The following CADPS2 variants were observed in gnomAD, a reference collection of about 807,000 sequenced individuals.
CADPS2 encodes the protein calcium dependent secretion activator 2, also known as calcium-dependent secretion activator 2.
Under a neutral mutation model 172.5 loss-of-function variants are expected in CADPS2, and 93 were observed. That is an observed-to-expected ratio of 0.54 (90% confidence interval 0.46 to 0.64). The LOEUF (loss-of-function observed/expected upper bound fraction) is 0.64, where lower values mean the gene tolerates loss of function less well. Ranked by LOEUF, CADPS2 falls within the 30% of genes least tolerant of loss-of-function variation. CADPS2 has a pLI of 0.00. For missense variants in CADPS2, 1,420 were observed against 1,565.9 expected (o/e 0.91, Z 1.57); for synonymous variants, 546 against 555.2 (o/e 0.98, Z 0.23).
At chr7:122,709,032 T>C (rs1209751503) in intron 2 of CADPS2, among the ~76,000 whole-genome samples, 1 of 152,058 alleles carries the variant, frequency 6.6e-6, no homozygotes, top group Non-Finnish European at 1.5e-5. Context: ...CAGTGGTGAA[T>C]AGGCAATATA....
rs369655649 is a variant in CADPS2, at chr7:122,474,344, T to C, written c.1998+37A>G. 7 of 1,585,052 alleles carry C rather than the reference T, an allele frequency of 4.4e-6. No individual in the cohort carries two copies. In the African/African-American group the frequency reaches 8.1e-5, roughly 18 times the overall value. On this transcript the variant is annotated intron_variant, in intron 13 of 29. Transcript: ENST00000449022. ...CTTATAGGGGATCTAAAATCTTTTA[T>C]TCCAACTTATAGGGGACTAGATAGA...
At chr7:122,837,398 A>C (rs1024536824) in intron 1 of CADPS2, among the ~76,000 whole-genome samples, 1 of 152,210 alleles carries the variant, frequency 6.6e-6, no homozygotes, top group African/African-American at 2.4e-5. Context: ...CACATTCAAA[A>C]GCTAGCAGAA....
intron 1 of CADPS2, among the ~76,000 whole-genome samples, chr7:122,767,656 T>C (rs2093595640): frequency 1.3e-5 from 2 of 152,096 alleles, no homozygotes; most frequent in South Asian, 4.1e-4. Context: ...TACCCATAGA[T>C]GGTGTGTAAA....
chr7:122,468,258 G>A (rs1291232435), intron 14 of CADPS2, among the ~76,000 whole-genome samples: 1 of 152,172 alleles, frequency 6.6e-6, no homozygotes, highest in Non-Finnish European at 1.5e-5. Flanking sequence ...CTTGACAGAT[G>A]TAAAAATGAT....
intron 2 of CADPS2, among the ~76,000 whole-genome samples, chr7:122,682,992 T>C (rs966016893): frequency 2.0e-5 from 3 of 152,210 alleles, no homozygotes; most frequent in East Asian, 3.8e-4. Flanking sequence ...TCCTCTCTTG[T>C]GGGAGCAGGC....
At chr7:122,441,978 T>C (rs1586074104) in intron 15 of CADPS2, among the ~76,000 whole-genome samples, 2 of 152,182 alleles carry the variant, frequency 1.3e-5, no homozygotes, top group African/African-American at 4.8e-5. Context: ...TGGTTTAGGG[T>C]GGCCACATAT....
intron 1 of CADPS2, among the ~76,000 whole-genome samples, chr7:122,820,564 T>TTTG (rs1802914697): frequency 8.4e-6 from 1 of 118,916 alleles, no homozygotes; most frequent in African/African-American, 3.4e-5. Context: ...TTGTTTTTTT[T>TTTG]TTTTTTTTTT....
intron 6 of CADPS2, among the ~76,000 whole-genome samples, chr7:122,587,080 T>C (rs957019609): frequency 6.6e-6 from 1 of 151,984 alleles, no homozygotes; most frequent in African/African-American, 2.4e-5. Context: ...AAATAATTCT[T>C]ATGATTTTTC....
At chr7:122,736,212 G>C (rs2092136762) in intron 2 of CADPS2, among the ~76,000 whole-genome samples, 1 of 152,054 alleles carries the variant, frequency 6.6e-6, no homozygotes, top group Admixed American at 6.6e-5. Flanking sequence ...TCTTGCCTCA[G>C]GTAAGTTCAG....
chr7:122,594,320 T>A (rs1470556515), intron 6 of CADPS2, among the ~76,000 whole-genome samples: 1 of 151,802 alleles, frequency 6.6e-6, no homozygotes, highest in Non-Finnish European at 1.5e-5. Flanking sequence ...AGATGACATC[T>A]TGCACTTTAA....
intron 7 of CADPS2, among the ~76,000 whole-genome samples, chr7:122,578,260 T>C (rs534635160): frequency 9.9e-5 from 15 of 152,126 alleles, no homozygotes; most frequent in African/African-American, 3.6e-4. Context: ...AGCTCTACCA[T>C]CCAGAGACGA....
intron 28 of CADPS2, among the ~76,000 whole-genome samples, chr7:122,335,562 G>A (rs1444300877): frequency 6.6e-6 from 1 of 152,054 alleles, no homozygotes; most frequent in Non-Finnish European, 1.5e-5. Context: ...ACAAATATAG[G>A]GAATATATGG....
intron 1 of CADPS2, among the ~76,000 whole-genome samples, chr7:122,878,327 A>C (rs548087697): frequency 5.4e-4 from 82 of 151,072 alleles, no homozygotes; most frequent in Non-Finnish European, 7.4e-4. Context: ...CTGACACATT[A>C]GAGAGGGAAA....
At chr7:122,359,016 C>T (rs1475859443) in intron 27 of CADPS2, among the ~76,000 whole-genome samples, 1 of 152,012 alleles carries the variant, frequency 6.6e-6, no homozygotes, top group Non-Finnish European at 1.5e-5. Context: ...TATTGTGAAC[C>T]ATTTGAGGGC....
chr7:122,753,776 C>T (rs192260998), intron 1 of CADPS2, among the ~76,000 whole-genome samples: 74 of 152,240 alleles, frequency 4.9e-4, no homozygotes, highest in East Asian at 3.9e-4. Context: ...AACACACGAA[C>T]GCTTGCATGC....
intron 1 of CADPS2, among the ~76,000 whole-genome samples, chr7:122,746,656 C>G (rs2092730038): frequency 6.6e-6 from 1 of 151,928 alleles, no homozygotes; most frequent in Non-Finnish European, 1.5e-5. Flanking sequence ...CACACACACA[C>G]ACACCCTCAT....
At chr7:122,804,588 G>A (rs1397243578) in intron 1 of CADPS2, among the ~76,000 whole-genome samples, 1 of 152,150 alleles carries the variant, frequency 6.6e-6, no homozygotes, top group Non-Finnish European at 1.5e-5. Flanking sequence ...TGTAGTGTAA[G>A]AAAAAGATGC....
chr7:122,442,961 G>A (rs1251891446), intron 15 of CADPS2, among the ~76,000 whole-genome samples: 3 of 152,168 alleles, frequency 2.0e-5, no homozygotes, highest in African/African-American at 7.2e-5. Flanking sequence ...TAGCAAATTA[G>A]CAAAGTACCT....
chr7:122,852,740 T>G lies in CADPS2; in HGVS notation c.339+33259A>C, dbSNP rs549516093. The stretch of plus-strand genomic sequence containing the variant: ...GTGGGAGGACAGATCATGTAGGGTC[T>G]GGTGTGCCACTATAAACACTTACGC... On this transcript the variant is annotated intron_variant, in intron 1 of 29. Transcript: ENST00000449022. 6.8e-4 allele frequency among the ~76,000 whole-genome samples: 103 copies of G among 152,244 alleles called. 1 individual carries two copies. Among genetic ancestry groups the G allele is most frequent in the Admixed American group, 1.2e-3 (18 of 15,288 alleles).
Sources: allele counts gnomAD v4.1 joint callset (sites outside exome capture counted in the v4.1 genomes callset), GRCh38; gene constraint gnomAD v4.1.1; transcripts MANE v1.5; gene names NCBI Gene and HGNC (gene_info 2026-07-23, HGNC 2026-07-21).